RAD51B: variants seen among roughly 807,000 people sequenced by gnomAD.
RAD51B encodes RAD51 paralog B, also known as DNA repair protein RAD51 homolog 2.
RAD51B carries 38 observed loss-of-function variants against 42.2 expected under a neutral mutation model. The ratio of observed to expected loss-of-function variants is 0.90; its 90% CI spans 0.70 to 1.18. The LOEUF is 1.18. Among genes scored for constraint, RAD51B ranks in the 50% most tolerant of loss-of-function variants. The pLI, the probability that RAD51B is intolerant of heterozygous loss-of-function variation, is 0.00. For missense variants in RAD51B, 373 were observed against 400.7 expected, an observed-to-expected ratio of 0.93 and a Z score of 0.59; for synonymous variants, 154 against 145.2, an observed-to-expected ratio of 1.06 and a Z score of -0.43.
intron 8 of RAD51B, among the ~76,000 whole-genome samples, chr14:68,410,580 AGAG>A (rs1243452669): frequency 6.6e-6 from 1 of 152,040 alleles, no homozygotes; most frequent in African/African-American, 2.4e-5. Context: ...ACAGGGGTTC[AGAG>A]GAGGCCTCGG....
intron 5 of RAD51B, among the ~76,000 whole-genome samples, chr14:67,865,624 C>T (rs1392459610): frequency 2.0e-5 from 3 of 149,822 alleles, no homozygotes; most frequent in Admixed American, 6.7e-5. Context: ...CTGCAACCTC[C>T]GCCTCCCGGG....
Position 68,477,909 on chromosome 14 carries a change from A to G in RAD51B, c.*245A>G, listed in dbSNP as rs1397813213. 1.5e-5 allele frequency: 20 copies of G among 1,296,610 alleles called. No homozygotes were observed. Among genetic ancestry groups the G allele is most frequent in the Non-Finnish European group, 1.7e-5 (17 of 1,022,802 alleles). 80.3% of individuals were successfully genotyped at this position (1,296,610 alleles called of 1,614,324 possible). A position where few individuals can be genotyped will look rare whatever the true frequency, so the allele number is the denominator to read the frequency against. On this transcript the variant is annotated 3_prime_UTR_variant, in exon 11 of 11. Coordinates refer to ENST00000471583, the MANE Select transcript of RAD51B (RefSeq NM_133510.4). ...GTGTAGGGCTGAGGGCTTTGCCGCC[A>G]TGGGATGTCAACAGCCATAATAATA...
chr14:68,043,869 T>C (rs2076254667), intron 7 of RAD51B, among the ~76,000 whole-genome samples: 1 of 152,202 alleles, frequency 6.6e-6, no homozygotes. Context: ...GCTAAAGTTA[T>C]GTGAAGTGCC....
At chr14:68,262,366 C>T (rs1297385613) in intron 7 of RAD51B, among the ~76,000 whole-genome samples, 1 of 152,154 alleles carries the variant, frequency 6.6e-6, no homozygotes, top group Admixed American at 6.5e-5. Context: ...CACCTGCTAC[C>T]TTGGGAGGCA....
intron 7 of RAD51B, among the ~76,000 whole-genome samples, chr14:67,921,363 G>A (rs936803959): frequency 6.6e-6 from 1 of 152,118 alleles, no homozygotes; most frequent in South Asian, 2.1e-4. Flanking sequence ...ATGAGCCACT[G>A]TGCCTGGTGG....
At chr14:68,599,768 T>C (rs988368242), downstream of RAD51B, among the ~76,000 whole-genome samples, 2 of 152,202 alleles carry the variant, frequency 1.3e-5, no homozygotes, top group Non-Finnish European at 2.9e-5. Flanking sequence ...TCCAAGGCTA[T>C]GAAAGAAGGA....
rs1368208501 is a variant in RAD51B at position 68,648,089 on chromosome 14, G to A, written c.1037-2692G>A. On this transcript the variant is annotated intron_variant, in intron 10 of 11. Transcript: ENST00000488612. ...TATATATATACACGTATATATACGT[G>A]TGTGTATATATATATACACACACGT... Among the ~76,000 whole-genome samples the A allele has an allele frequency of 3.0e-3, 8 of 2,638 alleles. 1 individual carries two copies. Among genetic ancestry groups the A allele is most frequent in the African/African-American group, 6.1e-3 (1 of 164 alleles). The allele number at this position is 2,638 out of a possible 152,430, so 1.7% of individuals were successfully genotyped here.
intron 9 of RAD51B, among the ~76,000 whole-genome samples, chr14:68,459,543 G>A (rs2085790283): frequency 6.6e-6 from 1 of 152,228 alleles, no homozygotes; most frequent in South Asian, 2.1e-4. Context: ...TTCTCGACAG[G>A]ACCCTTGCAT....
chr14:68,341,066 G>A (rs2082562338), intron 8 of RAD51B, among the ~76,000 whole-genome samples: 1 of 152,200 alleles, frequency 6.6e-6, no homozygotes, highest in Admixed American at 6.5e-5. Context: ...CCACTAAGAT[G>A]AGCTGGGCAG....
At chr14:68,164,821 T>C (rs2078716819) in intron 7 of RAD51B, among the ~76,000 whole-genome samples, 1 of 152,188 alleles carries the variant, frequency 6.6e-6, no homozygotes, top group Admixed American at 6.5e-5. Context: ...TAGTTAATTA[T>C]TCTCAGATCT....
chr14:68,441,936 T>C (rs2085306667), intron 9 of RAD51B, among the ~76,000 whole-genome samples: 1 of 152,260 alleles, frequency 6.6e-6, no homozygotes, highest in Non-Finnish European at 1.5e-5. Context: ...TTTATTTGGC[T>C]GACGACTTCC....
Position 68,219,152 on chromosome 14 carries a change from G to A in RAD51B, c.757-72732G>A, listed in dbSNP as rs114444330. Among the ~76,000 whole-genome samples the A allele has an allele frequency of 5.4e-3, 826 of 152,316 alleles. 7 individuals are homozygous for A. The highest frequency in any genetic ancestry group is 0.019 in the African/African-American group (802 of 41,564). The stretch of plus-strand genomic sequence containing the variant: ...GAGCACCATAATCTTGCGTATCAGA[G>A]CTTCTCAATTCCTTTGGAACAGGAG... On this transcript the variant is annotated intron_variant, in intron 7 of 10. Coordinates refer to ENST00000471583, the MANE Select transcript of RAD51B (RefSeq NM_133510.4).
intron 8 of RAD51B, among the ~76,000 whole-genome samples, chr14:68,343,840 C>G (rs778507099): frequency 6.6e-6 from 1 of 152,274 alleles, no homozygotes; most frequent in Non-Finnish European, 1.5e-5. Flanking sequence ...ATCTCCAGCT[C>G]CAGCTCAAAG....
At chr14:68,457,656 T>C (rs2085731143) in intron 9 of RAD51B, among the ~76,000 whole-genome samples, 1 of 151,976 alleles carries the variant, frequency 6.6e-6, no homozygotes, top group Non-Finnish European at 1.5e-5. Flanking sequence ...TGGAGTGCAG[T>C]GACACAATCT....
chr14:67,928,534 C>T (rs982377274), intron 7 of RAD51B, among the ~76,000 whole-genome samples: 17 of 151,924 alleles, frequency 1.1e-4, no homozygotes, highest in Non-Finnish European at 1.5e-5. Flanking sequence ...CCTGGCCCTC[C>T]CACCTTCGTC....
intron 7 of RAD51B, among the ~76,000 whole-genome samples, chr14:67,915,480 T>G (rs1221032912): frequency 6.6e-6 from 1 of 152,180 alleles, no homozygotes; most frequent in East Asian, 1.9e-4. Flanking sequence ...AACTGATACC[T>G]CTAGCTTTAT....
intron 11 of RAD51B, among the ~76,000 whole-genome samples, chr14:68,662,171 G>A (rs1367824436): frequency 6.6e-6 from 1 of 152,210 alleles, no homozygotes; most frequent in Non-Finnish European, 1.5e-5. Flanking sequence ...TTCAGTTAAT[G>A]TCACCTAAGA....
intron 10 of RAD51B, among the ~76,000 whole-genome samples, chr14:68,498,265 C>T (rs916859654): frequency 6.6e-6 from 1 of 152,180 alleles, no homozygotes; most frequent in Non-Finnish European, 1.5e-5. Flanking sequence ...AACATGCAGG[C>T]AGAGAAAGGA....
At chr14:68,395,058 T>G (rs1220979590) in intron 8 of RAD51B, among the ~76,000 whole-genome samples, 15 of 152,164 alleles carry the variant, frequency 9.9e-5, no homozygotes, top group Admixed American at 9.8e-4. Flanking sequence ...CATCCCCCCC[T>G]TTCTTCAGGC....
Sources: allele counts gnomAD v4.1 joint callset (sites outside exome capture counted in the v4.1 genomes callset), GRCh38; gene constraint gnomAD v4.1.1; transcripts MANE v1.5; gene names NCBI Gene and HGNC (gene_info 2026-07-23, HGNC 2026-07-21).